The following SEL1L2 variants were observed in gnomAD, a reference collection of about 807,000 sequenced individuals.
The protein encoded by SEL1L2 is SEL1L2 adaptor subunit of SYVN1 ubiquitin ligase.
A neutral mutation model predicts 98.8 loss-of-function variants in SEL1L2; 89 were observed. That is an observed-to-expected ratio of 0.90 (90% CI 0.76 to 1.07). SEL1L2 has a LOEUF of 1.07. Ranked by LOEUF, SEL1L2 falls within the 50% of genes least tolerant of loss-of-function variation. SEL1L2 has a pLI of 0.00. For missense variants in SEL1L2, 788 were observed against 812.0 expected, an observed-to-expected ratio of 0.97 and a Z score of 0.36; for synonymous variants, 262 against 278.5, an observed-to-expected ratio of 0.94 and a Z score of 0.59.
At chr20:13,926,559 AG>A (rs1233548674) in intron 3 of SEL1L2, among the ~76,000 whole-genome samples, 1 of 152,092 alleles carries the variant, frequency 6.6e-6, no homozygotes, top group African/African-American at 2.4e-5. Flanking sequence ...ATTGGAAGTG[AG>A]CTGCCCCAGG....
chr20:13,926,318 CA>C (rs11483500), intron 3 of SEL1L2, among the ~76,000 whole-genome samples: 1 of 150,540 alleles, frequency 6.6e-6, no homozygotes, highest in African/African-American at 2.4e-5. Context: ...CCGTTTCAAA[CA>C]AAAAAAAATT....
intron 2 of SEL1L2, among the ~76,000 whole-genome samples, chr20:13,937,197 C>G (rs775431207): frequency 2.0e-5 from 3 of 152,214 alleles, no homozygotes; most frequent in African/African-American, 7.2e-5. Flanking sequence ...CTGTGACCCA[C>G]GGTGATGGCC....
At chr20:13,853,039 T>G (rs1450978291) in intron 18 of SEL1L2, among the ~76,000 whole-genome samples, 1 of 152,186 alleles carries the variant, frequency 6.6e-6, no homozygotes, top group Non-Finnish European at 1.5e-5. Flanking sequence ...TAACTACTGG[T>G]AATATTTTAT....
rs550282198 is a variant in SEL1L2, at chr20:13,933,836, T to G, written c.115-2065A>C. ...GCTTTGCTTTCTTGGTTTGCTTTGCTTTCTTTAATAGGCCAGACCTGGAAG... is the reference window on the plus strand; with the variant it reads ...GCTTTGCTTTCTTGGTTTGCTTTGCGTTCTTTAATAGGCCAGACCTGGAAG... On this transcript the variant is annotated intron_variant, in intron 2 of 19. Coordinates refer to ENST00000284951, the MANE Select transcript of SEL1L2 (RefSeq NM_025229.2). Among the ~76,000 whole-genome samples, 10 of 152,312 alleles carry G rather than the reference T, an allele frequency of 6.6e-5. No homozygotes were observed. The South Asian group carries it at 1.9e-3, about 28-fold the overall frequency.
chr20:13,887,665 C>T, intron 8 of SEL1L2, 104 bp downstream of exon 8: 1 of 743,268 alleles, frequency 1.3e-6, no homozygotes, highest in South Asian at 1.8e-5. Context: ...AAAACGTACA[C>T]TTTTGATATT....
chr20:13,994,486 T>C (rs572136389), upstream of SEL1L2, among the ~76,000 whole-genome samples: 1 of 152,208 alleles, frequency 6.6e-6, no homozygotes, highest in South Asian at 2.1e-4. Flanking sequence ...TTGCCCAATA[T>C]ATATAACAAG....
chr20:13,901,508 T>G (rs1361241631), intron 5 of SEL1L2, among the ~76,000 whole-genome samples: 2 of 152,216 alleles, frequency 1.3e-5, no homozygotes. Flanking sequence ...ATTTTGCTAT[T>G]AATTAGGAGA....
chr20:13,895,207 C>A (rs2047368958), intron 5 of SEL1L2, among the ~76,000 whole-genome samples: 1 of 152,162 alleles, frequency 6.6e-6, no homozygotes, highest in East Asian at 1.9e-4. Flanking sequence ...CTTTAGGAAG[C>A]CTAAGTGGGC....
intron 2 of SEL1L2, among the ~76,000 whole-genome samples, chr20:13,948,189 A>G (rs970976848): frequency 1.3e-5 from 2 of 152,140 alleles, no homozygotes; most frequent in Non-Finnish European, 2.9e-5. Context: ...ATACTATCCA[A>G]TGCGATCTAT....
rs531769002 is a variant in SEL1L2 at position 13,984,231 on chromosome 20, C to T, written c.58+6246G>A. Reference sequence around the variant, plus strand: ...TTCACCATGTTGGCCAGGCTTGTCTCGAACTCCTGACCTCAGGTGATCTGC... The same window carrying T: ...TTCACCATGTTGGCCAGGCTTGTCTTGAACTCCTGACCTCAGGTGATCTGC... On this transcript the variant is annotated intron_variant, in intron 1 of 19. Coordinates refer to ENST00000284951, the MANE Select transcript of SEL1L2 (RefSeq NM_025229.2). Among the ~76,000 whole-genome samples the T allele has an allele frequency of 2.6e-5, 4 of 152,122 alleles. No homozygotes were observed. In the East Asian group the frequency reaches 5.8e-4, roughly 22 times the overall value.
At chr20:13,930,351 C>T (rs1185667903) in intron 3 of SEL1L2, among the ~76,000 whole-genome samples, 4 of 152,230 alleles carry the variant, frequency 2.6e-5, no homozygotes, top group African/African-American at 7.2e-5. Context: ...GCCTTCTCCA[C>T]ATACCTCTGG....
chr20:13,986,455 T>C (rs1030823046), intron 1 of SEL1L2, among the ~76,000 whole-genome samples: 3 of 152,058 alleles, frequency 2.0e-5, no homozygotes, highest in African/African-American at 7.2e-5. Flanking sequence ...CTCTATGAAT[T>C]TGCCTATTTC....
At chr20:13,871,215 A>G (rs889157076) in intron 12 of SEL1L2, among the ~76,000 whole-genome samples, 4 of 152,054 alleles carry the variant, frequency 2.6e-5, no homozygotes, top group Admixed American at 2.0e-4. Flanking sequence ...TCGTTGGTAT[A>G]TTTCTTTATT....
intron 2 of SEL1L2, among the ~76,000 whole-genome samples, chr20:13,949,962 A>C (rs990172664): frequency 1.3e-5 from 2 of 152,210 alleles, no homozygotes; most frequent in African/African-American, 4.8e-5. Flanking sequence ...AGCATTCATT[A>C]ATGAATGAAT....
chr20:13,966,879 CTT>C (rs35292120), intron 1 of SEL1L2, among the ~76,000 whole-genome samples: 67 of 104,144 alleles, frequency 6.4e-4, no homozygotes, highest in Middle Eastern at 6.7e-3. Flanking sequence ...AGAGACCTGT[CTT>C]TTTTTTTTTT....
At chr20:13,857,238 G>GA (rs1284720763) in intron 18 of SEL1L2, among the ~76,000 whole-genome samples, 132 of 141,646 alleles carry the variant, frequency 9.3e-4, no homozygotes, top group Non-Finnish European at 1.4e-3. Context: ...CTTTCTGTAG[G>GA]AAAAAAAAAA....
chr20:13,931,924 G>A (rs1202921242), intron 2 of SEL1L2, 153 bp from the exon 3 acceptor site: 2 of 502,366 alleles, frequency 4.0e-6, no homozygotes, highest in African/African-American at 2.0e-5. Context: ...AATGACAGAT[G>A]GCTTACTTCA....
In SEL1L2 at chr20:13,965,883, G is replaced by T. The variant is rs541852655; in HGVS notation, c.59-9752C>A. Among the ~76,000 whole-genome samples the T allele has an allele frequency of 9.9e-5, 15 of 151,604 alleles. No homozygotes were observed. In the South Asian group the frequency reaches 3.1e-3, roughly 32 times the overall value. On this transcript the variant is annotated intron_variant, in intron 1 of 19. Transcript: ENST00000284951. Reference sequence around the variant, plus strand: ...CAGGAGAATCGCTTGAACCTGGGAGGCGGAGGTTACAGTGAGCCGAAGTTG... The same window carrying T: ...CAGGAGAATCGCTTGAACCTGGGAGTCGGAGGTTACAGTGAGCCGAAGTTG...
chr20:13,865,159 T>A lies in SEL1L2; in HGVS notation c.1645+8A>T. ...GGGTATGTGCTTATTTTTATCTGGGTTCCATACCTTGAATGGCAGCTCGAT... is the reference window on the plus strand; with the variant it reads ...GGGTATGTGCTTATTTTTATCTGGGATCCATACCTTGAATGGCAGCTCGAT... On this transcript the variant is annotated splice_region_variant and intron_variant, in intron 17 of 19. Transcript: ENST00000284951. 1 of 1,608,006 alleles carries A rather than the reference T, an allele frequency of 6.2e-7. No homozygotes were observed. Among genetic ancestry groups the A allele is most frequent in the Non-Finnish European group, 8.5e-7 (1 of 1,175,520 alleles).
Sources: gnomAD v4.1 joint callset for allele counts (sites outside exome capture counted in the v4.1 genomes callset) on GRCh38, gnomAD v4.1.1 for gene constraint, MANE v1.5 for transcripts, NCBI Gene and HGNC (gene_info 2026-07-23, HGNC 2026-07-21) for gene names.